The following CTBP2 variants were observed in gnomAD, a reference collection of about 807,000 sequenced individuals.
The protein encoded by CTBP2 is C-terminal-binding protein 2.
CTBP2 carries 30 observed loss-of-function variants against 80.3 expected under a neutral mutation model. The observed-to-expected ratio is 0.37, with a 90% CI of 0.28 to 0.51. The LOEUF (loss-of-function observed/expected upper bound fraction) is 0.51, where lower values mean the gene tolerates loss of function less well. Ranked by LOEUF, CTBP2 falls within the 20% of genes least tolerant of loss-of-function variation. CTBP2 has a pLI of 0.93. For synonymous variants in CTBP2, 594 were observed against 587.4 expected (o/e 1.01, Z -0.16); for missense variants, 1,212 against 1,375.3 (o/e 0.88, Z 1.88).
chr10:125,116,815 C>T (rs565360080), intron 1 of CTBP2, among the ~76,000 whole-genome samples: 29 of 152,320 alleles, frequency 1.9e-4, no homozygotes, highest in Middle Eastern at 3.4e-3. Context: ...ATCCTCCCAA[C>T]GATTTCAAGT....
intron 2 of CTBP2, among the ~76,000 whole-genome samples, chr10:125,045,132 C>A (rs1355871697): frequency 6.6e-6 from 1 of 152,122 alleles, no homozygotes. Flanking sequence ...CCCTCAGGAA[C>A]AGGATTATTA....
At chr10:125,145,135 C>T (rs1858515093) in intron 1 of CTBP2, among the ~76,000 whole-genome samples, 1 of 152,168 alleles carries the variant, frequency 6.6e-6, no homozygotes, top group African/African-American at 2.4e-5. Flanking sequence ...ATTTTTCATG[C>T]CAAATGTTCA....
intron 2 of CTBP2, among the ~76,000 whole-genome samples, chr10:125,089,658 G>GA (rs1848489527): frequency 6.6e-6 from 1 of 152,186 alleles, no homozygotes; most frequent in Non-Finnish European, 1.5e-5. Context: ...CAGCTGGGGA[G>GA]AAAAGGATGC....
chr10:125,019,922 G>T (rs973011746), intron 1 of CTBP2, among the ~76,000 whole-genome samples: 1 of 152,058 alleles, frequency 6.6e-6, no homozygotes, highest in Non-Finnish European at 1.5e-5. Flanking sequence ...CCATGACCCA[G>T]GAAGACCCTC....
chr10:125,027,863 G>A lies in CTBP2; in HGVS notation c.-104C>T. Reference sequence around the variant, plus strand: ...CCTGGCTGTGTGCTAACCCTTCCGAGACGGCAGGGACAACCAACTGGGGGT... The same window carrying A: ...CCTGGCTGTGTGCTAACCCTTCCGAAACGGCAGGGACAACCAACTGGGGGT... On this transcript the variant is annotated 5_prime_UTR_variant, in exon 1 of 9. Coordinates refer to ENST00000309035, the MANE Select transcript of CTBP2 (RefSeq NM_022802.3). 7.0e-7 allele frequency: 1 copy of A among 1,429,230 alleles called. No individual in the cohort carries two copies. The highest frequency in any genetic ancestry group is 9.1e-7 in the Non-Finnish European group (1 of 1,095,476). 88.5% of individuals were successfully genotyped at this position (1,429,230 alleles called of 1,614,324 possible).
intron 3 of CTBP2, chr10:125,001,617 G>A (rs148122251): frequency 6.6e-6 from 1 of 152,322 alleles, no homozygotes; most frequent in Non-Finnish European, 1.5e-5. Flanking sequence ...AGGACCCTAA[G>A]GGGTGTGGAA....
At chr10:125,051,215 G>A (rs774039411) in intron 2 of CTBP2, among the ~76,000 whole-genome samples, 15 of 152,188 alleles carry the variant, frequency 9.9e-5, no homozygotes, top group Non-Finnish European at 2.2e-4. Context: ...GACACCATTC[G>A]AAAACGGTAC....
At chr10:125,057,752 C>A (rs181443982) in intron 2 of CTBP2, among the ~76,000 whole-genome samples, 1 of 152,376 alleles carries the variant, frequency 6.6e-6, no homozygotes, top group East Asian at 1.9e-4. Context: ...TGACAAAACT[C>A]CAGCCTCTGG....
intron 2 of CTBP2, among the ~76,000 whole-genome samples, chr10:125,043,563 C>A (rs1214987826): frequency 6.6e-6 from 1 of 152,178 alleles, no homozygotes; most frequent in Non-Finnish European, 1.5e-5. Context: ...CACAGCCTCC[C>A]GAGTAGCTGG....
At chr10:125,020,223 G>C (rs879204187) in intron 1 of CTBP2, among the ~76,000 whole-genome samples, 1 of 152,174 alleles carries the variant, frequency 6.6e-6, no homozygotes, top group Non-Finnish European at 1.5e-5. Flanking sequence ...ATCCCTGGAG[G>C]GGTTTAGGAG....
intron 1 of CTBP2, among the ~76,000 whole-genome samples, chr10:125,016,042 C>A (rs1423891404): frequency 6.6e-6 from 1 of 152,202 alleles, no homozygotes; most frequent in Non-Finnish European, 1.5e-5. Flanking sequence ...ATCCCTGCAC[C>A]TCACAAAAAG....
chr10:125,161,605 G>A (rs980089382), upstream of CTBP2, among the ~76,000 whole-genome samples: 1 of 152,182 alleles, frequency 6.6e-6, no homozygotes, highest in Admixed American at 6.5e-5. Context: ...AGATCCGGGA[G>A]ACCGTGCCGG....
chr10:125,102,634 T>C (rs1200223527), intron 2 of CTBP2, among the ~76,000 whole-genome samples: 2 of 152,140 alleles, frequency 1.3e-5, no homozygotes, highest in Admixed American at 6.5e-5. Context: ...TGGCAGTGAG[T>C]TTCAATTGAA....
At chr10:125,032,926 C>T (rs144665239), upstream of CTBP2, 3,280 of 154,794 alleles carry the variant, frequency 0.021, 45 homozygotes, top group Non-Finnish European at 0.033. Context: ...AAAGCACCCA[C>T]CGCCCAAATA....
intron 1 of CTBP2, among the ~76,000 whole-genome samples, chr10:125,127,132 G>A (rs985487388): frequency 6.6e-6 from 1 of 152,184 alleles, no homozygotes. Context: ...TCAGCCCCAT[G>A]CACATGCTCT....
chr10:125,048,045 T>C lies in CTBP2; in HGVS notation c.-101-8890A>G, dbSNP rs537602676. Among the ~76,000 whole-genome samples the C allele has an allele frequency of 6.6e-5, 10 of 152,276 alleles. No homozygotes were observed. The South Asian group carries it at 1.9e-3, about 28-fold the overall frequency. ...TCTACTGTCCTTAGGGGAACCCAAC[T>C]GGCCTTCTGAGATCCCAGCCCACTC... is the stretch of plus-strand genomic sequence containing the variant. On this transcript the variant is annotated intron_variant, in intron 2 of 10. Transcript: ENST00000337195.
intron 3 of CTBP2, chr10:124,999,854 T>TGCCG (rs1954200363): frequency 6.6e-6 from 1 of 152,238 alleles, no homozygotes; most frequent in South Asian, 2.1e-4. Flanking sequence ...CAATTTTCAT[T>TGCCG]CCTCGGGCAG....
intron 2 of CTBP2, 95 bp downstream of exon 4, chr10:125,003,243 G>A: frequency 6.3e-7 from 1 of 1,583,812 alleles, no homozygotes. Context: ...GGGGTTCTGG[G>A]GCCTGCCGGT....
At chr10:125,050,417 T>C (rs375608186) in intron 2 of CTBP2, among the ~76,000 whole-genome samples, 4 of 152,360 alleles carry the variant, frequency 2.6e-5, no homozygotes, top group African/African-American at 9.6e-5. Context: ...CTTGCAGCTA[T>C]TCATTTTGCT....
Sources: allele counts gnomAD v4.1 joint callset (sites outside exome capture counted in the v4.1 genomes callset), GRCh38; gene constraint gnomAD v4.1.1; transcripts MANE v1.5; gene names NCBI Gene and HGNC (gene_info 2026-07-23, HGNC 2026-07-21).